KCNJ6: variants seen among roughly 807,000 people sequenced by gnomAD.
KCNJ6 encodes G protein-activated inward rectifier potassium channel 2.
Under a neutral mutation model 34.2 loss-of-function variants are expected in KCNJ6, and 9 were observed. That is an observed-to-expected ratio of 0.26 (90% CI 0.16 to 0.46). The LOEUF is 0.46. KCNJ6 is among the 20% of genes least tolerant of loss of function. The pLI is 1.00. For missense variants in KCNJ6, 236 were observed against 531.3 expected, an observed-to-expected ratio of 0.44 and a Z score of 5.46; for synonymous variants, 196 against 207.1, an observed-to-expected ratio of 0.95 and a Z score of 0.46.
intron 2 of KCNJ6, among the ~76,000 whole-genome samples, chr21:37,799,633 T>C (rs2055259976): frequency 6.6e-6 from 1 of 152,228 alleles, no homozygotes; most frequent in South Asian, 2.1e-4. Flanking sequence ...ATTCCCATTT[T>C]GTAAAAAGAT....
intron 2 of KCNJ6, among the ~76,000 whole-genome samples, chr21:37,768,022 A>T (rs1168810575): frequency 6.6e-6 from 1 of 151,786 alleles, no homozygotes; most frequent in Non-Finnish European, 1.5e-5. Context: ...CATGCAAATT[A>T]TATTTCCAAA....
chr21:37,844,826 C>T (rs896642455), intron 1 of KCNJ6, among the ~76,000 whole-genome samples: 2 of 152,160 alleles, frequency 1.3e-5, no homozygotes, highest in African/African-American at 4.8e-5. Flanking sequence ...TGCACAAATG[C>T]ATCCATGTGT....
chr21:37,624,911 G>A lies in KCNJ6; in HGVS notation c.*248C>T. 3.8e-6 allele frequency: 2 copies of A among 527,794 alleles called. No individual in the cohort carries two copies. The highest frequency in any genetic ancestry group is 5.2e-5 in the South Asian group (2 of 38,516). The allele number at this position is 527,794 out of a possible 1,614,324, so 32.7% of individuals were successfully genotyped here. A position where few individuals can be genotyped will look rare whatever the true frequency, so the allele number is the denominator to read the frequency against. On this transcript the variant is annotated 3_prime_UTR_variant, in exon 4 of 4. Transcript: ENST00000609713. ...AGTTGGATGTGTAGTATTTTGGGAG[G>A]AGACCAGGCTTGGGCCACAAATGAG...
intron 3 of KCNJ6, among the ~76,000 whole-genome samples, chr21:37,627,128 T>C (rs2054314742): frequency 6.6e-6 from 1 of 152,210 alleles, no homozygotes; most frequent in Non-Finnish European, 1.5e-5. Flanking sequence ...CCTGCAGCAC[T>C]GCATTTGCTC....
chr21:37,723,836 C>G (rs73206011), intron 2 of KCNJ6, among the ~76,000 whole-genome samples: 1 of 151,870 alleles, frequency 6.6e-6, no homozygotes, highest in South Asian at 2.1e-4. Flanking sequence ...TGACAGAATG[C>G]TGTACTCCAA....
chr21:37,672,239 G>T (rs539609339), intron 3 of KCNJ6, among the ~76,000 whole-genome samples: 1 of 152,212 alleles, frequency 6.6e-6, no homozygotes, highest in African/African-American at 2.4e-5. Context: ...GAGATGCAAA[G>T]AAATATAGCT....
intron 2 of KCNJ6, among the ~76,000 whole-genome samples, chr21:37,733,743 A>G (rs1423004637): frequency 1.3e-5 from 2 of 152,248 alleles, no homozygotes; most frequent in African/African-American, 2.4e-5. Flanking sequence ...AGGTTTCATA[A>G]GGCAGGTTTC....
chr21:37,700,233 A>C (rs1294835302), intron 3 of KCNJ6, among the ~76,000 whole-genome samples: 3 of 152,192 alleles, frequency 2.0e-5, no homozygotes. Context: ...CTTTTGAGAA[A>C]GGTTCCATAG....
chr21:37,766,158 C>T (rs560326132), intron 2 of KCNJ6, among the ~76,000 whole-genome samples: 1 of 152,246 alleles, frequency 6.6e-6, no homozygotes, highest in Non-Finnish European at 1.5e-5. Flanking sequence ...GGAGAAAGCT[C>T]AGTACTGTAT....
chr21:37,893,215 T>A (rs1361913616), intron 1 of KCNJ6, among the ~76,000 whole-genome samples: 1 of 151,614 alleles, frequency 6.6e-6, no homozygotes, highest in Non-Finnish European at 1.5e-5. Flanking sequence ...CCCTATTTTT[T>A]TCTTTTTTTG....
At chr21:37,894,710 C>G (rs915833129) in intron 1 of KCNJ6, among the ~76,000 whole-genome samples, 4 of 152,076 alleles carry the variant, frequency 2.6e-5, no homozygotes, top group Admixed American at 2.0e-4. Flanking sequence ...CTCCCTCATG[C>G]AGCATTAACT....
At chr21:37,791,310 G>T (rs2055215791) in intron 2 of KCNJ6, among the ~76,000 whole-genome samples, 1 of 152,242 alleles carries the variant, frequency 6.6e-6, no homozygotes, top group Non-Finnish European at 1.5e-5. Flanking sequence ...GAAGGTCTCT[G>T]ACCTGGGGTT....
intron 2 of KCNJ6, among the ~76,000 whole-genome samples, chr21:37,797,298 G>C (rs112075369): frequency 2.6e-5 from 4 of 152,168 alleles, no homozygotes; most frequent in African/African-American, 9.7e-5. Context: ...TGATCTGCCC[G>C]CCTCGGTCTC....
intron 2 of KCNJ6, among the ~76,000 whole-genome samples, chr21:37,754,528 G>A (rs2055013797): frequency 6.6e-6 from 1 of 152,160 alleles, no homozygotes; most frequent in South Asian, 2.1e-4. Flanking sequence ...GGTTTAAAAT[G>A]AAAGAAGAAA....
chr21:37,688,407 A>G (rs1364225596), intron 3 of KCNJ6, among the ~76,000 whole-genome samples: 1 of 151,706 alleles, frequency 6.6e-6, no homozygotes, highest in Non-Finnish European at 1.5e-5. Context: ...TCTAGATTCT[A>G]TGCTATGTTT....
intron 3 of KCNJ6, among the ~76,000 whole-genome samples, chr21:37,643,518 G>T (rs577701468): frequency 2.4e-4 from 36 of 152,216 alleles, no homozygotes; most frequent in Non-Finnish European, 4.8e-4. Context: ...CTGAAGAATG[G>T]GCAAGGGGTG....
At chr21:37,860,411 C>A (rs1243316812) in intron 1 of KCNJ6, among the ~76,000 whole-genome samples, 1 of 152,202 alleles carries the variant, frequency 6.6e-6, no homozygotes, top group African/African-American at 2.4e-5. Flanking sequence ...CTACGCCAGG[C>A]AGGTCTCCCT....
At chr21:37,858,545 A>T (rs1317757173) in intron 1 of KCNJ6, among the ~76,000 whole-genome samples, 2 of 152,104 alleles carry the variant, frequency 1.3e-5, no homozygotes, top group Non-Finnish European at 2.9e-5. Context: ...AAAAGAAATA[A>T]TTTTACAGGC....
chr21:37,747,359 T>C (rs1257887440), intron 2 of KCNJ6, among the ~76,000 whole-genome samples: 1 of 152,242 alleles, frequency 6.6e-6, no homozygotes, highest in Non-Finnish European at 1.5e-5. Context: ...GGCAAAGCAC[T>C]GGATTGCTCC....
Sources: gnomAD v4.1 joint callset for allele counts (sites outside exome capture counted in the v4.1 genomes callset) on GRCh38, gnomAD v4.1.1 for gene constraint, MANE v1.5 for transcripts, NCBI Gene and HGNC (gene_info 2026-07-23, HGNC 2026-07-21) for gene names.